The following BCL2L14 variants were observed in gnomAD, a reference collection of about 807,000 sequenced individuals.
The protein encoded by BCL2L14 is BCL2 like 14.
A neutral mutation model predicts 35.3 loss-of-function variants in BCL2L14; 27 were observed. That is an observed-to-expected ratio of 0.76 (90% CI 0.56 to 1.05). BCL2L14 has a LOEUF of 1.05. Among genes scored for constraint, BCL2L14 ranks in the 50% least tolerant of loss-of-function variants. The pLI is 0.00. For synonymous variants in BCL2L14, 139 were observed against 145.9 expected (o/e 0.95, Z 0.34); for missense variants, 377 against 382.6 (o/e 0.99, Z 0.12).
chr12:12,087,129 T>G (rs1949062941), intron 2 of BCL2L14, 84 bp from the exon 3 acceptor site: 1 of 1,460,302 alleles, frequency 6.8e-7, no homozygotes, highest in Non-Finnish European at 9.4e-7. Context: ...TGGCCTGGTC[T>G]TTTCATTCCA....
intron 2 of BCL2L14, among the ~76,000 whole-genome samples, chr12:12,065,545 A>G (rs998679215): frequency 1.6e-4 from 24 of 152,098 alleles, no homozygotes; most frequent in African/African-American, 5.8e-4. Context: ...CAAAAAAAAA[A>G]AAAAAGAAGA....
intron 2 of BCL2L14, among the ~76,000 whole-genome samples, chr12:12,080,567 C>T (rs535609687): frequency 6.6e-6 from 1 of 151,354 alleles, no homozygotes; most frequent in African/African-American, 2.4e-5. Flanking sequence ...TTGCAGTGAG[C>T]CGAGATTGCA....
intron 2 of BCL2L14, among the ~76,000 whole-genome samples, chr12:12,080,329 A>G (rs59309321): frequency 0.05 from 7,625 of 152,018 alleles, 324 homozygotes; most frequent in Middle Eastern, 0.11. Context: ...ACACCAATAT[A>G]AAAGAAGGAG....
At chr12:12,070,438 A>T (rs964654515), upstream of BCL2L14, among the ~76,000 whole-genome samples, 3 of 152,188 alleles carry the variant, frequency 2.0e-5, no homozygotes, top group Non-Finnish European at 2.9e-5. Flanking sequence ...TAATCCCAGC[A>T]CTTTGGGAGG....
At chr12:12,050,809 A>G (rs1306689294) in intron 1 of BCL2L14, among the ~76,000 whole-genome samples, 53 of 134,756 alleles carry the variant, frequency 3.9e-4, no homozygotes, top group East Asian at 6.8e-4. Context: ...AAAAAAAAAA[A>G]AAAAGAAAAG....
chr12:12,087,978 G>A (rs1282562082), intron 3 of BCL2L14, among the ~76,000 whole-genome samples: 2 of 152,172 alleles, frequency 1.3e-5, no homozygotes, highest in East Asian at 3.9e-4. Context: ...AGTGCCACTG[G>A]AAGAGAAGCT....
At chr12:12,066,794 T>G (rs536666443), upstream of BCL2L14, among the ~76,000 whole-genome samples, 88 of 150,676 alleles carry the variant, frequency 5.8e-4, no homozygotes, top group African/African-American at 2.1e-3. Flanking sequence ...CACTGCAAGC[T>G]CCGCCTCCCG....
upstream of BCL2L14, among the ~76,000 whole-genome samples, chr12:12,067,720 G>A (rs575108976): frequency 6.8e-4 from 104 of 152,102 alleles, 1 homozygote; most frequent in Non-Finnish European, 1.4e-3. Context: ...CCTGTTTTAC[G>A]AGTTTTCTAC....
chr12:12,064,069 C>A (rs562415963), intron 2 of BCL2L14, among the ~76,000 whole-genome samples: 1 of 152,174 alleles, frequency 6.6e-6, no homozygotes, highest in East Asian at 1.9e-4. Flanking sequence ...CATGGACATG[C>A]ATGAAACTGA....
intron 1 of BCL2L14, chr12:12,077,680 T>A (rs1948814213): frequency 5.7e-6 from 1 of 176,482 alleles, no homozygotes; most frequent in Non-Finnish European, 1.2e-5. Flanking sequence ...GCAAGATGAC[T>A]ATTATTATTT....
chr12:12,053,725 C>T (rs571337153), intron 2 of BCL2L14, among the ~76,000 whole-genome samples: 33 of 152,188 alleles, frequency 2.2e-4, no homozygotes, highest in African/African-American at 7.5e-4. Flanking sequence ...GGCAATATAA[C>T]TTCTTTTGCA....
intron 3 of BCL2L14, among the ~76,000 whole-genome samples, chr12:12,088,545 G>A (rs142473142): frequency 1.6e-3 from 244 of 152,304 alleles, no homozygotes; most frequent in African/African-American, 5.7e-3. Flanking sequence ...CTTTTAGCTT[G>A]CTTGTCTATG....
intron 3 of BCL2L14, among the ~76,000 whole-genome samples, chr12:12,089,204 T>C (rs146974400): frequency 0.012 from 1,881 of 151,778 alleles, 15 homozygotes; most frequent in Non-Finnish European, 0.021. Context: ...CCTTCTCTAC[T>C]AAAAATACAA....
chr12:12,095,227 CG>C, intron 5 of BCL2L14: 2 of 985,308 alleles, frequency 2.0e-6, no homozygotes, highest in African/African-American at 3.5e-5. Flanking sequence ...TTTAGATAGA[CG>C]TAATTTCTGT....
chr12:12,051,527 C>T (rs777481292), intron 1 of BCL2L14, among the ~76,000 whole-genome samples: 7 of 152,026 alleles, frequency 4.6e-5, no homozygotes, highest in East Asian at 3.9e-4. Context: ...GGGAAGAATC[C>T]GCCCCACACA....
At chr12:12,078,844 T>G (rs1267588483) in intron 1 of BCL2L14, among the ~76,000 whole-genome samples, 1 of 152,214 alleles carries the variant, frequency 6.6e-6, no homozygotes, top group Admixed American at 6.5e-5. Flanking sequence ...GTCGCCAGGC[T>G]GGAGTGCAGT....
Position 12,094,722 on chromosome 12 carries a change from T to C in BCL2L14, c.737T>C (p.Phe246Ser), listed in dbSNP as rs1164129486. 6.2e-7 allele frequency: 1 copy of C among 1,614,104 alleles called. No homozygotes were observed. The highest frequency in any genetic ancestry group is 8.5e-7 in the Non-Finnish European group (1 of 1,180,040). Residue 246 changes from phenylalanine (F) to serine (S), a missense_variant, in exon 5 of 6, where the codon TTC becomes TCC. Physicochemically the swap from Phe to Ser is radical, Grantham distance 155. Coordinates refer to ENST00000308721, the MANE Select transcript of BCL2L14 (RefSeq NM_138723.2). Reference protein sequence around the residue: ...HFQDGLSYSVFKTITDQVLMG... With the variant: ...HFQDGLSYSVSKTITDQVLMG... ...CAGGATGGGCTGTCCTACTCTGTTT[T>C]CAAGACCATCACAGACCAGGTCCTA...
chr12:12,079,621 C>CA lies in BCL2L14; in HGVS notation c.317dup (p.Ser107GlufsTer30). 6.2e-7 allele frequency: 1 copy of CA among 1,614,184 alleles called. No individual in the cohort carries two copies. The highest frequency in any genetic ancestry group is 8.5e-7 in the Non-Finnish European group (1 of 1,180,046). On this transcript the variant is annotated frameshift_variant, in exon 2 of 6. Coordinates refer to ENST00000308721, the MANE Select transcript of BCL2L14 (RefSeq NM_138723.2). LOFTEE classifies it high-confidence loss of function. ...TGGAGTAGTGGAGAAGGAAGATTCG[C>CA]AGAGCACGCCTGCCAAGGTCTCTGC...
intron 2 of BCL2L14, among the ~76,000 whole-genome samples, chr12:12,082,787 C>T (rs1213921889): frequency 6.6e-6 from 1 of 152,160 alleles, no homozygotes; most frequent in East Asian, 1.9e-4. Context: ...AGCTTATCTT[C>T]CCTTATCACC....
Sources: gnomAD v4.1 joint callset for allele counts (sites outside exome capture counted in the v4.1 genomes callset) on GRCh38, gnomAD v4.1.1 for gene constraint, MANE v1.5 for transcripts, NCBI Gene and HGNC (gene_info 2026-07-23, HGNC 2026-07-21) for gene names.